OR2C1: variants seen among roughly 807,000 people sequenced by gnomAD.
The protein encoded by OR2C1 is olfactory receptor 2C1.
For missense variants in OR2C1, 468 were observed against 388.3 expected, an observed-to-expected ratio of 1.21 and a Z score of -1.73; for synonymous variants, 209 against 167.3, an observed-to-expected ratio of 1.25 and a Z score of -1.92.
At chr16:3,348,670 C>T in the OR2C1 span, among the ~76,000 whole-genome samples, 1 of 152,216 alleles carries the variant, frequency 6.6e-6, no homozygotes, top group Admixed American at 6.5e-5. Flanking sequence ...CTGTACCCCA[C>T]CTGCACCTGG....
the OR2C1 span, among the ~76,000 whole-genome samples, chr16:3,337,313 C>T: frequency 8.6e-5 from 13 of 151,932 alleles, no homozygotes; most frequent in African/African-American, 3.1e-4. Flanking sequence ...GGCCACCATG[C>T]CCAGCTAATT....
At chr16:3,354,397 C>T (rs938133324), upstream of OR2C1, among the ~76,000 whole-genome samples, 23 of 152,184 alleles carry the variant, frequency 1.5e-4, no homozygotes, top group African/African-American at 5.1e-4. Flanking sequence ...ATTATGAATA[C>T]CCATTAACTA....
At chr16:3,346,319 G>A in the OR2C1 span, among the ~76,000 whole-genome samples, 40,211 of 151,966 alleles carry the variant, frequency 0.26, 5,439 homozygotes, top group Non-Finnish European at 0.28. Flanking sequence ...ATTGTTGAAT[G>A]AATAAATAAA....
chr16:3,351,903 T>TTC (rs1555468236), upstream of OR2C1, among the ~76,000 whole-genome samples: 3 of 150,780 alleles, frequency 2.0e-5, no homozygotes, highest in African/African-American at 7.3e-5. Context: ...TTTTTTTTTT[T>TTC]TTCGTATTTT....
chr16:3,332,844 C>T, the OR2C1 span, among the ~76,000 whole-genome samples: 125,414 of 151,830 alleles, frequency 0.83, 51,899 homozygotes, highest in East Asian at 0.94. Flanking sequence ...AACATGGGAA[C>T]TCAGATATCT....
At chr16:3,335,052 C>T in the OR2C1 span, among the ~76,000 whole-genome samples, 7 of 152,238 alleles carry the variant, frequency 4.6e-5, no homozygotes, top group Middle Eastern at 0.02. Context: ...CTCCTGACCT[C>T]AGGTGATCTG....
the OR2C1 span, among the ~76,000 whole-genome samples, chr16:3,332,954 A>G: frequency 6.6e-6 from 1 of 151,976 alleles, no homozygotes. Context: ...GGAACTTCCA[A>G]CAGTTTTCCA....
the OR2C1 span, among the ~76,000 whole-genome samples, chr16:3,347,755 C>T: frequency 1.6e-4 from 24 of 152,158 alleles, no homozygotes; most frequent in Admixed American, 2.6e-4. Flanking sequence ...TACACACACA[C>T]GCACACATAT....
chr16:3,325,924 T>A, the OR2C1 span, among the ~76,000 whole-genome samples: 2 of 149,414 alleles, frequency 1.3e-5, no homozygotes, highest in African/African-American at 2.5e-5. Flanking sequence ...AGTGCTCAAG[T>A]GCATTCTTTT....
the OR2C1 span, among the ~76,000 whole-genome samples, chr16:3,347,133 G>A: frequency 6.7e-6 from 1 of 149,514 alleles, no homozygotes; most frequent in African/African-American, 2.4e-5. Context: ...TGTAGTCCCA[G>A]CTGCTCAGGA....
At chr16:3,327,573 G>C in the OR2C1 span, among the ~76,000 whole-genome samples, 1 of 151,384 alleles carries the variant, frequency 6.6e-6, no homozygotes, top group South Asian at 2.1e-4. Flanking sequence ...AGGCATCCCA[G>C]ATGCCTCGTA....
At chr16:3,323,958 T>C in the OR2C1 span, 1 of 654,752 alleles carries the variant, frequency 1.5e-6, no homozygotes, top group Non-Finnish European at 2.6e-6. Flanking sequence ...ATCCTTACTG[T>C]TGAATTTTTA....
chr16:3,356,322 C>G lies in OR2C1; in HGVS notation c.382C>G (p.Arg128Gly). 1 of 1,613,092 alleles carries G rather than the reference C, an allele frequency of 6.2e-7. No homozygotes were observed. The highest frequency in any genetic ancestry group is 1.1e-5 in the South Asian group (1 of 91,044). ...ATTTGACCGCTACGTGGCAGTGTGC[C>G]GGCCCCTCCGCTACACCGCCATCAT... is the stretch of plus-strand genomic sequence containing the variant. Reference protein sequence around the residue: ...MAFDRYVAVCRPLRYTAIMNP... With the variant: ...MAFDRYVAVCGPLRYTAIMNP... The change falls in exon 1 of 1, where the codon CGG becomes GGG. Residue 128 changes from arginine to glycine, a missense_variant. Transcript: ENST00000304936.
chr16:3,343,327 T>C, the OR2C1 span, among the ~76,000 whole-genome samples: 1 of 152,240 alleles, frequency 6.6e-6, no homozygotes, highest in South Asian at 2.1e-4. Flanking sequence ...CTTGAACTCC[T>C]GGGCTCAAGC....
At chr16:3,323,805 G>T in the OR2C1 span, 20 of 871,492 alleles carry the variant, frequency 2.3e-5, no homozygotes, top group Admixed American at 4.1e-4. Flanking sequence ...CCTTTCCGCT[G>T]CTCCTTCTTT....
chr16:3,329,498 G>A, the OR2C1 span, among the ~76,000 whole-genome samples: 1 of 152,052 alleles, frequency 6.6e-6, no homozygotes, highest in Non-Finnish European at 1.5e-5. Flanking sequence ...CGCCCAGGCT[G>A]GAGTGCAGTG....
At chr16:3,343,783 C>T in the OR2C1 span, among the ~76,000 whole-genome samples, 1 of 151,600 alleles carries the variant, frequency 6.6e-6, no homozygotes, top group Non-Finnish European at 1.5e-5. Flanking sequence ...AAAGCACAAA[C>T]CAACATTAAG....
At chr16:3,344,340 CAT>C in the OR2C1 span, among the ~76,000 whole-genome samples, 3 of 152,226 alleles carry the variant, frequency 2.0e-5, no homozygotes, top group Non-Finnish European at 2.9e-5. Context: ...AAATAGCTAA[CAT>C]ATTTATTTTA....
chr16:3,329,549 A>AAG, the OR2C1 span, among the ~76,000 whole-genome samples: 9 of 150,736 alleles, frequency 6.0e-5, no homozygotes, highest in East Asian at 2.0e-4. Context: ...TCCCAGGTTC[A>AAG]TGCCATTCTC....
Sources: gnomAD v4.1 joint callset for allele counts (sites outside exome capture counted in the v4.1 genomes callset) on GRCh38, gnomAD v4.1.1 for gene constraint, MANE v1.5 for transcripts, NCBI Gene and HGNC (gene_info 2026-07-23, HGNC 2026-07-21) for gene names.